Variants in ATF6 observed in about 807,000 individuals in gnomAD.
ATF6 encodes cyclic AMP-dependent transcription factor ATF-6 alpha.
In ATF6, 53 loss-of-function variants were observed where a neutral mutation model predicts 83.6. That is an observed-to-expected ratio of 0.63 (90% CI 0.51 to 0.80). The LOEUF (loss-of-function observed/expected upper bound fraction) is 0.80. ATF6 is among the 30% of genes least tolerant of loss of function. The pLI, the probability that ATF6 is intolerant of heterozygous loss-of-function variation, is 0.00. For missense variants in ATF6, 744 were observed against 797.9 expected (o/e 0.93, Z 0.81); for synonymous variants, 288 against 285.8 (o/e 1.01, Z -0.08).
At chr1:161,834,608 C>T (rs1245901303) in intron 9 of ATF6, among the ~76,000 whole-genome samples, 2 of 126,910 alleles carry the variant, frequency 1.6e-5, no homozygotes, top group African/African-American at 3.0e-5. Context: ...GGGAACATCA[C>T]ACACTGGAGA....
chr1:161,863,416 A>G, intron 14 of ATF6, 104 bp downstream of exon 14: 1 of 754,744 alleles, frequency 1.3e-6, no homozygotes, highest in East Asian at 2.6e-5. Flanking sequence ...AGAAATAGGA[A>G]GCAATATAAA....
In ATF6 at chr1:161,867,515, C is replaced by T. The variant is rs576747577; in HGVS notation, c.1719+4203C>T. Reference sequence around the variant, plus strand: ...TATTATTTCAATACACATTTAAATACCATCCTTACATGTAGCTGTCTCATC... The same window carrying T: ...TATTATTTCAATACACATTTAAATATCATCCTTACATGTAGCTGTCTCATC... On this transcript the variant is annotated intron_variant, in intron 14 of 15. Transcript: ENST00000367942. Among the ~76,000 whole-genome samples the T allele has an allele frequency of 5.9e-5, 9 of 152,080 alleles. No homozygotes were observed. The South Asian group carries it at 1.0e-3, about 18-fold the overall frequency.
chr1:161,812,671 C>T (rs548495433), intron 7 of ATF6, among the ~76,000 whole-genome samples: 16 of 151,984 alleles, frequency 1.1e-4, no homozygotes, highest in African/African-American at 2.9e-4. Flanking sequence ...GGATCACAGG[C>T]GTGAGCCACC....
intron 12 of ATF6, 47 bp downstream of exon 12, chr1:161,853,370 A>C: frequency 2.0e-6 from 3 of 1,465,320 alleles, no homozygotes; most frequent in South Asian, 2.3e-5. Flanking sequence ...ATTTGTTGGA[A>C]GGCTTCTCCC....
At chr1:161,947,621 A>T (rs1203519436) in intron 15 of ATF6, among the ~76,000 whole-genome samples, 4 of 152,194 alleles carry the variant, frequency 2.6e-5, no homozygotes, top group Non-Finnish European at 4.4e-5. Flanking sequence ...ATAATAATTC[A>T]AAAATCTCAA....
At chr1:161,916,024 TA>T (rs932223493) in intron 15 of ATF6, among the ~76,000 whole-genome samples, 3 of 152,212 alleles carry the variant, frequency 2.0e-5, no homozygotes, top group African/African-American at 7.2e-5. Flanking sequence ...TCAAAAGACT[TA>T]CACTCACTGC....
At chr1:161,949,069 C>A (rs1355096566) in intron 15 of ATF6, among the ~76,000 whole-genome samples, 1 of 152,166 alleles carries the variant, frequency 6.6e-6, no homozygotes, top group African/African-American at 2.4e-5. Flanking sequence ...TAGTTAAAAA[C>A]TGAATCTATA....
intron 1 of ATF6, among the ~76,000 whole-genome samples, chr1:161,774,825 A>G (rs1006870539): frequency 6.6e-6 from 1 of 152,220 alleles, no homozygotes; most frequent in African/African-American, 2.4e-5. Flanking sequence ...ACTTGCAAAC[A>G]CTCATTGCTT....
At chr1:161,787,402 T>A (rs1168920523) in intron 4 of ATF6, among the ~76,000 whole-genome samples, 1 of 152,140 alleles carries the variant, frequency 6.6e-6, no homozygotes, top group Non-Finnish European at 1.5e-5. Context: ...CCAGTGGGGG[T>A]CCCTTCACAC....
chr1:161,794,216 T>TTA (rs1439895107), intron 6 of ATF6, among the ~76,000 whole-genome samples: 2 of 152,194 alleles, frequency 1.3e-5, no homozygotes, highest in Non-Finnish European at 2.9e-5. Context: ...TTGTCTGTTT[T>TTA]TATAGTACAA....
chr1:161,801,264 A>G (rs1164719126), intron 6 of ATF6, among the ~76,000 whole-genome samples: 1 of 151,972 alleles, frequency 6.6e-6, no homozygotes, highest in African/African-American at 2.4e-5. Flanking sequence ...GGCTGGTATC[A>G]TCTACAGACT....
At chr1:161,817,962 G>T (rs1348505311) in intron 7 of ATF6, among the ~76,000 whole-genome samples, 1 of 151,880 alleles carries the variant, frequency 6.6e-6, no homozygotes, top group Non-Finnish European at 1.5e-5. Context: ...TTAGCCAGGC[G>T]TGGTGGTGGG....
chr1:161,804,704 A>G (rs1685237156), intron 7 of ATF6, among the ~76,000 whole-genome samples: 1 of 151,546 alleles, frequency 6.6e-6, no homozygotes, highest in African/African-American at 2.4e-5. Flanking sequence ...TTTTAGGCTT[A>G]CTATCTGAAT....
intron 14 of ATF6, among the ~76,000 whole-genome samples, chr1:161,897,937 A>G (rs549912675): frequency 1.3e-5 from 2 of 152,328 alleles, no homozygotes; most frequent in Non-Finnish European, 1.5e-5. Context: ...TTTCTATTAA[A>G]CAACACTGCT....
At chr1:161,933,002 A>G (rs1688464654) in intron 15 of ATF6, among the ~76,000 whole-genome samples, 1 of 152,208 alleles carries the variant, frequency 6.6e-6, no homozygotes, top group East Asian at 1.9e-4. Flanking sequence ...AGTGTCCAAG[A>G]TGGAAGCCAT....
chr1:161,840,696 CTTT>C (rs1389535432), intron 9 of ATF6, among the ~76,000 whole-genome samples: 5 of 152,094 alleles, frequency 3.3e-5, no homozygotes, highest in Non-Finnish European at 7.4e-5. Context: ...TCTTATAATA[CTTT>C]TTCCAGACTT....
intron 15 of ATF6, among the ~76,000 whole-genome samples, chr1:161,954,377 T>C (rs1688925861): frequency 1.3e-5 from 2 of 152,200 alleles, no homozygotes; most frequent in African/African-American, 4.8e-5. Flanking sequence ...CAGGCACATA[T>C]ACAGCAGCAC....
intron 4 of ATF6, among the ~76,000 whole-genome samples, chr1:161,787,440 C>T (rs1484661493): frequency 1.3e-5 from 2 of 152,154 alleles, no homozygotes; most frequent in Non-Finnish European, 2.9e-5. Flanking sequence ...TAACATGTCT[C>T]CTTTGGGCTC....
chr1:161,909,520 GA>G (rs887999734), intron 14 of ATF6, among the ~76,000 whole-genome samples: 66 of 139,752 alleles, frequency 4.7e-4, no homozygotes, highest in Admixed American at 9.9e-4. Context: ...TATTGGGTAA[GA>G]AAAAAAAAAA....
Sources: gnomAD v4.1 joint callset for allele counts (sites outside exome capture counted in the v4.1 genomes callset) on GRCh38, gnomAD v4.1.1 for gene constraint, MANE v1.5 for transcripts, NCBI Gene and HGNC (gene_info 2026-07-23, HGNC 2026-07-21) for gene names.